The following UNC13C variants were observed in gnomAD, a reference collection of about 807,000 sequenced individuals.
The protein encoded by UNC13C is unc-13 homolog C.
Under a neutral mutation model 245.4 loss-of-function variants are expected in UNC13C, and 174 were observed. That is an observed-to-expected ratio of 0.71 (90% CI 0.63 to 0.80). The LOEUF is 0.80. UNC13C is among the 30% of genes least tolerant of loss of function. The pLI is 0.00. For synonymous variants in UNC13C, 992 were observed against 895.1 expected (o/e 1.11, Z -1.93); for missense variants, 2,829 against 2,602.9 (o/e 1.09, Z -1.89).
intron 11 of UNC13C, among the ~76,000 whole-genome samples, chr15:54,294,998 C>T (rs962435388): frequency 4.6e-5 from 7 of 152,138 alleles, no homozygotes; most frequent in African/African-American, 1.7e-4. Flanking sequence ...TTTAATTTAT[C>T]TGAACACAGA....
At chr15:54,075,509 G>A (rs1234898806) in intron 2 of UNC13C, among the ~76,000 whole-genome samples, 5 of 128,628 alleles carry the variant, frequency 3.9e-5, no homozygotes, top group Admixed American at 2.8e-4. Flanking sequence ...CCGAGATGGC[G>A]CCACTGCACT....
intron 1 of UNC13C, among the ~76,000 whole-genome samples, chr15:53,980,167 C>T (rs1038761666): frequency 1.1e-4 from 16 of 152,100 alleles, no homozygotes; most frequent in African/African-American, 3.6e-4. Flanking sequence ...AAATCACCAC[C>T]CTGCTCTTTG....
At chr15:54,603,511 C>T (rs1899567582) in intron 30 of UNC13C, among the ~76,000 whole-genome samples, 2 of 152,096 alleles carry the variant, frequency 1.3e-5, no homozygotes, top group Non-Finnish European at 2.9e-5. Context: ...TTTAATACTC[C>T]AGTGTGGATC....
intron 4 of UNC13C, among the ~76,000 whole-genome samples, chr15:54,158,554 C>T (rs150441438): frequency 1.3e-5 from 2 of 152,126 alleles, no homozygotes; most frequent in African/African-American, 4.8e-5. Context: ...CTCCTGACCT[C>T]GTGATCCACA....
chr15:53,879,265 G>A, the UNC13C span, among the ~76,000 whole-genome samples: 1 of 152,028 alleles, frequency 6.6e-6, no homozygotes, highest in Non-Finnish European at 1.5e-5. Flanking sequence ...GGGCTCAAGT[G>A]ATACTCCCAC....
intron 1 of UNC13C, among the ~76,000 whole-genome samples, chr15:53,999,242 A>G (rs1894774461): frequency 6.6e-6 from 1 of 151,854 alleles, no homozygotes; most frequent in South Asian, 2.1e-4. Flanking sequence ...TATGGAAGAT[A>G]TTTGATTACA....
chr15:54,406,812 C>A (rs954189287), intron 18 of UNC13C, among the ~76,000 whole-genome samples: 2 of 152,074 alleles, frequency 1.3e-5, no homozygotes, highest in African/African-American at 4.8e-5. Flanking sequence ...CTAATTCTGC[C>A]TTGAATACAA....
chr15:54,428,792 A>G (rs1050287448), intron 19 of UNC13C, among the ~76,000 whole-genome samples: 53 of 151,374 alleles, frequency 3.5e-4, no homozygotes, highest in African/African-American at 1.3e-3. Context: ...GTGCCCTTTG[A>G]TCCCTTGTTT....
intron 18 of UNC13C, 65 bp from the exon 19 acceptor site, chr15:54,414,917 G>T (rs1222789938): frequency 1.5e-4 from 151 of 1,039,520 alleles, no homozygotes; most frequent in Non-Finnish European, 2.9e-5. Context: ...TATGTAAAAT[G>T]CTGTATTTTG....
At chr15:53,845,047 G>A in the UNC13C span, among the ~76,000 whole-genome samples, 3 of 152,144 alleles carry the variant, frequency 2.0e-5, no homozygotes, top group African/African-American at 7.2e-5. Context: ...AATTGAAGGC[G>A]GGGCACAGTG....
At chr15:54,112,445 A>G (rs1205402498) in intron 2 of UNC13C, among the ~76,000 whole-genome samples, 1 of 152,182 alleles carries the variant, frequency 6.6e-6, no homozygotes, top group African/African-American at 2.4e-5. Flanking sequence ...TAGTGCCTGA[A>G]GGAGCTGGCC....
the UNC13C span, among the ~76,000 whole-genome samples, chr15:53,954,780 CAAACTT>C: frequency 9.9e-5 from 15 of 152,260 alleles, no homozygotes; most frequent in East Asian, 3.9e-4. Context: ...CTCATTCTCT[CAAACTT>C]AAAGGAGAAG....
At chr15:54,548,157 C>T (rs1468460978) in intron 27 of UNC13C, among the ~76,000 whole-genome samples, 9 of 150,106 alleles carry the variant, frequency 6.0e-5, no homozygotes, top group African/African-American at 1.7e-4. Context: ...TGAGCATTGT[C>T]TCAGCCCACT....
intron 22 of UNC13C, among the ~76,000 whole-genome samples, chr15:54,501,961 A>G (rs1894237269): frequency 1.3e-5 from 2 of 152,158 alleles, no homozygotes; most frequent in African/African-American, 4.8e-5. Context: ...TCCCAGGTTG[A>G]GAAGTTTAGA....
At chr15:54,018,602 A>T (rs1895764331) in intron 2 of UNC13C, among the ~76,000 whole-genome samples, 1 of 152,112 alleles carries the variant, frequency 6.6e-6, no homozygotes, top group Non-Finnish European at 1.5e-5. Flanking sequence ...GCCCCTGCTG[A>T]GTTGGCACCA....
the UNC13C span, among the ~76,000 whole-genome samples, chr15:53,922,212 T>C: frequency 6.6e-6 from 1 of 152,194 alleles, no homozygotes; most frequent in Non-Finnish European, 1.5e-5. Context: ...AAGTGACTGT[T>C]GGAAAGTCAA....
In UNC13C at chr15:54,592,351, C is replaced by T. The variant is rs183414539; in HGVS notation, c.6106+24404C>T. On this transcript the variant is annotated intron_variant, in intron 30 of 32. Coordinates refer to ENST00000260323, the MANE Select transcript of UNC13C (RefSeq NM_001080534.3). ...CAGTTTAAATCCATTGTTTCTTTGTCGACTTTCTGTCTTGATGACCTGTCT... is the reference window on the plus strand; with the variant it reads ...CAGTTTAAATCCATTGTTTCTTTGTTGACTTTCTGTCTTGATGACCTGTCT... Among the ~76,000 whole-genome samples, 304 of 152,128 alleles carry T rather than the reference C, an allele frequency of 2.0e-3. 1 individual carries two copies. Among genetic ancestry groups the T allele is most frequent in the Non-Finnish European group, 3.1e-3 (213 of 67,932 alleles).
Position 54,015,178 on chromosome 15 carries a change from A to G in UNC13C, c.2275A>G (p.Met759Val). 1.2e-6 allele frequency: 2 copies of G among 1,612,926 alleles called. No homozygotes were observed. The highest frequency in any genetic ancestry group is 1.1e-5 in the South Asian group (1 of 90,868). ...LYQNQNQLSM[M>V]YRSQSELQSD... ...CCAAAATCAAAACCAGTTGTCCATGATGTATCGAAGTCAAAGTGAATTGCA... is the reference window on the plus strand; with the variant it reads ...CCAAAATCAAAACCAGTTGTCCATGGTGTATCGAAGTCAAAGTGAATTGCA... Residue 759 changes from methionine to valine, a missense_variant, in exon 2 of 33, where the codon ATG becomes GTG. By Grantham distance (21) the Met-to-Val change is conservative. Coordinates refer to ENST00000260323, the MANE Select transcript of UNC13C (RefSeq NM_001080534.3).
intron 19 of UNC13C, among the ~76,000 whole-genome samples, chr15:54,459,203 G>A (rs1056576227): frequency 5.9e-5 from 9 of 152,190 alleles, no homozygotes; most frequent in Admixed American, 2.6e-4. Flanking sequence ...TTGTTAAGGA[G>A]GCTAAGGATA....
Sources: allele counts gnomAD v4.1 joint callset (sites outside exome capture counted in the v4.1 genomes callset), GRCh38; gene constraint gnomAD v4.1.1; transcripts MANE v1.5; gene names NCBI Gene and HGNC (gene_info 2026-07-23, HGNC 2026-07-21).